ZNF492: variants seen among roughly 807,000 people sequenced by gnomAD.
ZNF492 encodes zinc finger protein 492, also known as zinc finger protein 115 (Y20).
ZNF492 carries 3 observed loss-of-function variants against 6.4 expected under a neutral mutation model. The observed-to-expected ratio is 0.47, with a 90% confidence interval of 0.21 to 1.22. The LOEUF is 1.22. ZNF492 is among the 50% of genes most tolerant of loss of function. The pLI is 0.22. For synonymous variants in ZNF492, 112 were observed against 205.3 expected (o/e 0.55, Z 3.89); for missense variants, 356 against 612.5 (o/e 0.58, Z 4.42).
chr19:22,637,866 G>A (rs1971784029), intron 1 of ZNF492, among the ~76,000 whole-genome samples: 1 of 152,102 alleles, frequency 6.6e-6, no homozygotes, highest in African/African-American at 2.4e-5. Flanking sequence ...CTGTTTCTCT[G>A]TAACCTTGCC....
In ZNF492 at chr19:22,664,999, A is replaced by G. The variant is rs545358649; in HGVS notation, c.1330A>G (p.Thr444Ala). 24 of 1,585,336 alleles carry G rather than the reference A, an allele frequency of 1.5e-5. No individual in the cohort carries two copies. Among genetic ancestry groups the G allele is most frequent in the South Asian group, 1.1e-4 (10 of 89,114 alleles). The change falls in exon 4 of 4, where the codon ACT (threonine) becomes GCT (alanine). Residue 444 changes from threonine (T) to alanine (A), a missense_variant. Physicochemically the swap from Thr to Ala is moderately conservative, Grantham distance 58. Transcript: ENST00000456783. ...TCTTTCTAAACATAAGGTAATTCATACTGGAGAGAAGCCCTACAAATATGA... is the reference window on the plus strand; with the variant it reads ...TCTTTCTAAACATAAGGTAATTCATGCTGGAGAGAAGCCCTACAAATATGA... Reference protein sequence around the residue: ...STLSKHKVIHTGEKPYKYEEC... With the variant: ...STLSKHKVIHAGEKPYKYEEC...
chr19:22,645,049 C>T (rs1383793710), intron 1 of ZNF492, among the ~76,000 whole-genome samples: 18 of 151,682 alleles, frequency 1.2e-4, no homozygotes, highest in Non-Finnish European at 2.5e-4. Context: ...TCATCTTTTG[C>T]CCACTTTTTT....
intron 3 of ZNF492, among the ~76,000 whole-genome samples, chr19:22,662,633 G>T (rs1972070553): frequency 6.6e-6 from 1 of 150,916 alleles, no homozygotes; most frequent in South Asian, 2.2e-4. Context: ...ATTCTAACTG[G>T]CATGAGATGG....
intron 1 of ZNF492, among the ~76,000 whole-genome samples, chr19:22,649,510 C>A: frequency 6.6e-6 from 1 of 151,942 alleles, no homozygotes; most frequent in Non-Finnish European, 1.5e-5. Context: ...TGGATGATAT[C>A]CTGAAGTGTG....
intron 1 of ZNF492, among the ~76,000 whole-genome samples, chr19:22,641,035 T>A (rs897421297): frequency 1.8e-4 from 27 of 152,106 alleles, no homozygotes; most frequent in African/African-American, 6.5e-4. Context: ...TTGGTTTTAT[T>A]TTTATGTTTT....
chr19:22,660,314 T>C (rs1183602079), intron 3 of ZNF492, among the ~76,000 whole-genome samples: 2 of 152,110 alleles, frequency 1.3e-5, no homozygotes, highest in African/African-American at 4.8e-5. Flanking sequence ...TTTTATTTGA[T>C]TCTTGCATCT....
At chr19:22,635,754 G>A (rs1015990796) in intron 1 of ZNF492, among the ~76,000 whole-genome samples, 8 of 152,282 alleles carry the variant, frequency 5.3e-5, no homozygotes, top group East Asian at 1.9e-4. Flanking sequence ...CTATGGCGAT[G>A]TCTGCTAGAG....
At chr19:22,645,603 T>C (rs558147088) in intron 1 of ZNF492, among the ~76,000 whole-genome samples, 17 of 152,354 alleles carry the variant, frequency 1.1e-4, no homozygotes, top group African/African-American at 3.1e-4. Context: ...CCGATGCCTA[T>C]GTCCTGAATG....
intron 1 of ZNF492, among the ~76,000 whole-genome samples, chr19:22,648,312 CTGTT>C (rs1346778687): frequency 3.3e-5 from 5 of 152,108 alleles, no homozygotes; most frequent in Non-Finnish European, 7.4e-5. Context: ...GTCTGAGAGA[CTGTT>C]TGTTACCATT....
intron 3 of ZNF492, among the ~76,000 whole-genome samples, chr19:22,660,913 C>CTT (rs765100457): frequency 6.8e-5 from 9 of 132,276 alleles, no homozygotes; most frequent in African/African-American, 2.2e-4. Flanking sequence ...AACTTGATAG[C>CTT]TTTTTTTTTT....
At chr19:22,641,639 G>A (rs1478295716) in intron 1 of ZNF492, among the ~76,000 whole-genome samples, 3 of 152,060 alleles carry the variant, frequency 2.0e-5, no homozygotes, top group African/African-American at 7.2e-5. Context: ...TTGAGTTTAG[G>A]TCTTAATATC....
intron 3 of ZNF492, among the ~76,000 whole-genome samples, chr19:22,662,026 C>T (rs186925679): frequency 1.9e-3 from 295 of 152,204 alleles, no homozygotes; most frequent in African/African-American, 6.7e-3. Flanking sequence ...ATGTGCCCAG[C>T]GTGCAGTTAT....
At chr19:22,657,010 T>G (rs1972003000) in intron 3 of ZNF492, among the ~76,000 whole-genome samples, 1 of 152,124 alleles carries the variant, frequency 6.6e-6, no homozygotes, top group Non-Finnish European at 1.5e-5. Flanking sequence ...TGTCAGAAAA[T>G]AAGCAAATAA....
chr19:22,643,431 A>G (rs1460499489), intron 1 of ZNF492, among the ~76,000 whole-genome samples: 4 of 152,228 alleles, frequency 2.6e-5, no homozygotes, highest in African/African-American at 4.8e-5. Context: ...TTGTGTTGTG[A>G]CAAGAGTGCC....
chr19:22,646,062 T>G (rs529384441), intron 1 of ZNF492, among the ~76,000 whole-genome samples: 1 of 152,314 alleles, frequency 6.6e-6, no homozygotes, highest in Admixed American at 6.5e-5. Context: ...GTGAAGAATG[T>G]GAATGGTAGT....
At chr19:22,654,739 A>G (rs1276490249) in intron 3 of ZNF492, among the ~76,000 whole-genome samples, 1 of 150,626 alleles carries the variant, frequency 6.6e-6, no homozygotes, top group East Asian at 2.0e-4. Context: ...GTAGCTGGGA[A>G]TACAGGCGCG....
Position 22,644,380 on chromosome 19 carries a change from C to T in ZNF492, c.-93-8927C>T, listed in dbSNP as rs148347165. ...CCATCTTCTAGGTGCCCTCCCCTTGCCCCCCACTCCACAACAGGCCCTGGT... is the reference window on the plus strand; with the variant it reads ...CCATCTTCTAGGTGCCCTCCCCTTGTCCCCCACTCCACAACAGGCCCTGGT... On this transcript the variant is annotated intron_variant, in intron 1 of 3. Coordinates refer to ENST00000456783, the MANE Select transcript of ZNF492 (RefSeq NM_020855.3). Among the ~76,000 whole-genome samples, 574 of 152,182 alleles carry T rather than the reference C, an allele frequency of 3.8e-3. 5 individuals are homozygous for T. The East Asian group carries it at 0.047, about 12-fold the overall frequency.
chr19:22,647,515 C>A (rs1432420023), intron 1 of ZNF492, among the ~76,000 whole-genome samples: 1 of 151,532 alleles, frequency 6.6e-6, no homozygotes, highest in Non-Finnish European at 1.5e-5. Context: ...CCCCCAATCT[C>A]GGCCTCCCAA....
chr19:22,664,164 A>G lies in ZNF492; in HGVS notation c.495A>G (p.Gly165=), dbSNP rs533568771. 6.2e-7 allele frequency: 1 copy of G among 1,608,262 alleles called. No homozygotes were observed. The highest frequency in any genetic ancestry group is 1.1e-5 in the South Asian group (1 of 90,410). ...CTCAACATAAAAGAATTCATAGTGG[A>G]GAGAAACCCTACAAATGTAAAGAAT... The part of the protein sequence containing the change: ...HLAQHKRIHS[G]EKPYKCKECG... Residue 165 remains glycine (G), a synonymous_variant, in exon 4 of 4, where the codon GGA becomes GGG. Coordinates refer to ENST00000456783, the MANE Select transcript of ZNF492 (RefSeq NM_020855.3).
Sources: allele counts gnomAD v4.1 joint callset (sites outside exome capture counted in the v4.1 genomes callset), GRCh38; gene constraint gnomAD v4.1.1; transcripts MANE v1.5; gene names NCBI Gene and HGNC (gene_info 2026-07-23, HGNC 2026-07-21).